The following DKK2 variants were observed in gnomAD, a reference collection of about 807,000 sequenced individuals.
DKK2 encodes the protein dickkopf Wnt signaling pathway inhibitor 2.
DKK2 carries 11 observed loss-of-function variants against 28.1 expected under a neutral mutation model. That is an observed-to-expected ratio of 0.39 (90% CI 0.25 to 0.65). The LOEUF (loss-of-function observed/expected upper bound fraction) is 0.65, where lower values mean the gene tolerates loss of function less well. DKK2 is among the 30% of genes least tolerant of loss of function. The pLI is 0.47. For missense variants in DKK2, 326 were observed against 335.5 expected, an observed-to-expected ratio of 0.97 and a Z score of 0.22; for synonymous variants, 135 against 126.5, an observed-to-expected ratio of 1.07 and a Z score of -0.45.
At chr4:106,949,428 A>G (rs1160842330) in intron 1 of DKK2, among the ~76,000 whole-genome samples, 1 of 152,094 alleles carries the variant, frequency 6.6e-6, no homozygotes, top group Non-Finnish European at 1.5e-5. Context: ...ATTCTGTTTT[A>G]CCTTGGGTAA....
chr4:106,994,813 A>C (rs1018145081), intron 1 of DKK2, among the ~76,000 whole-genome samples: 2 of 152,216 alleles, frequency 1.3e-5, no homozygotes, highest in Non-Finnish European at 2.9e-5. Context: ...GAATGCCCTC[A>C]GCACCTGACA....
chr4:106,930,337 C>T (rs1724484237), intron 1 of DKK2, among the ~76,000 whole-genome samples: 1 of 152,076 alleles, frequency 6.6e-6, no homozygotes, highest in Non-Finnish European at 1.5e-5. Context: ...AGAAAAGGCC[C>T]AATAACTTGA....
At position 107,035,442 on chromosome 4, in the gene DKK2, G is replaced by A. The variant is rs778810827; in HGVS notation, c.150C>T (p.Ala50=). ...SSLGGETPGQ[A]ANRSAGMYQG... is the part of the protein sequence containing the mutation. ...GGTACATGCCCGCAGATCGATTGGCGGCCTGACCAGGCGTCTCCCCGCCCA... is the reference window on the plus strand; with the variant it reads ...GGTACATGCCCGCAGATCGATTGGCAGCCTGACCAGGCGTCTCCCCGCCCA... The change falls in exon 1 of 4, where the codon GCC becomes GCT. Residue 50 remains alanine, a synonymous_variant. Transcript: ENST00000285311. 9.9e-6 allele frequency: 16 copies of A among 1,614,034 alleles called. No individual in the cohort carries two copies. Among genetic ancestry groups the A allele is most frequent in the Non-Finnish European group, 1.2e-5 (14 of 1,180,044 alleles).
chr4:106,939,411 G>A (rs1724655660), intron 1 of DKK2, among the ~76,000 whole-genome samples: 1 of 152,102 alleles, frequency 6.6e-6, no homozygotes. Flanking sequence ...GGGATGTGAA[G>A]GAACTCGTCA....
At chr4:107,035,280 A>T (rs907483664) in intron 1 of DKK2, 90 bp downstream of exon 1, 33 of 1,449,350 alleles carry the variant, frequency 2.3e-5, no homozygotes, top group Non-Finnish European at 3.0e-5. Context: ...CCACGCTCCG[A>T]ATGTTGCAAG....
intron 1 of DKK2, among the ~76,000 whole-genome samples, chr4:106,952,580 T>C (rs1408741138): frequency 6.6e-6 from 1 of 152,182 alleles, no homozygotes; most frequent in Non-Finnish European, 1.5e-5. Context: ...GCCAAAATTC[T>C]TTATTTATAT....
At chr4:106,960,114 T>TTTTA (rs143817678) in intron 1 of DKK2, among the ~76,000 whole-genome samples, 89 of 146,450 alleles carry the variant, frequency 6.1e-4, no homozygotes, top group African/African-American at 2.1e-3. Context: ...AGAAAAAATG[T>TTTTA]TATATATATA....
At chr4:107,001,057 GA>G (rs200413533) in intron 1 of DKK2, among the ~76,000 whole-genome samples, 10 of 136,980 alleles carry the variant, frequency 7.3e-5, no homozygotes, top group Admixed American at 2.2e-4. Context: ...CTCTTCTGAC[GA>G]AAAAAAAAAC....
intron 1 of DKK2, among the ~76,000 whole-genome samples, chr4:106,969,246 C>T (rs1722827091): frequency 6.6e-6 from 1 of 151,628 alleles, no homozygotes; most frequent in Admixed American, 6.6e-5. Flanking sequence ...CTCTGCTTGT[C>T]TCCCATCTCC....
At chr4:106,938,610 A>G (rs2110342750) in intron 1 of DKK2, among the ~76,000 whole-genome samples, 1 of 152,348 alleles carries the variant, frequency 6.6e-6, no homozygotes, top group South Asian at 2.1e-4. Flanking sequence ...AACTCTTTTT[A>G]TGAGGCCAGC....
At chr4:106,982,071 C>G (rs1402799134) in intron 1 of DKK2, among the ~76,000 whole-genome samples, 1 of 151,974 alleles carries the variant, frequency 6.6e-6, no homozygotes, top group Non-Finnish European at 1.5e-5. Context: ...TTCTAGTTCA[C>G]AGAACAAATA....
intron 1 of DKK2, among the ~76,000 whole-genome samples, chr4:107,016,857 T>C (rs942999032): frequency 2.0e-5 from 3 of 151,914 alleles, no homozygotes; most frequent in South Asian, 4.1e-4. Flanking sequence ...GATTTGGACA[T>C]ACTGAATATG....
Position 106,984,110 on chromosome 4 carries a change from T to C in DKK2, c.222+51260A>G, listed in dbSNP as rs559153621. Reference sequence around the variant, plus strand: ...CCCAGTATTTATACTCCTGGGCTTTTATCCCAGAGAAATGAAGACTCTGTT... The same window carrying C: ...CCCAGTATTTATACTCCTGGGCTTTCATCCCAGAGAAATGAAGACTCTGTT... On this transcript the variant is annotated intron_variant, in intron 1 of 3. Coordinates refer to ENST00000285311, the MANE Select transcript of DKK2 (RefSeq NM_014421.3). Among the ~76,000 whole-genome samples the C allele has an allele frequency of 8.1e-4, 124 of 152,340 alleles. 2 individuals carry two copies. In the South Asian group the frequency reaches 0.025, roughly 30 times the overall value.
chr4:106,965,353 A>G (rs1009198505), intron 1 of DKK2, among the ~76,000 whole-genome samples: 1 of 152,096 alleles, frequency 6.6e-6, no homozygotes, highest in African/African-American at 2.4e-5. Flanking sequence ...TTGTGAGTTT[A>G]GTGAGTTATT....
intron 1 of DKK2, among the ~76,000 whole-genome samples, chr4:106,955,845 C>T (rs1722582760): frequency 6.6e-6 from 1 of 152,026 alleles, no homozygotes; most frequent in East Asian, 1.9e-4. Context: ...TATATATTAC[C>T]CTTCTGTCAA....
At chr4:106,947,830 A>G (rs1287847848) in intron 1 of DKK2, among the ~76,000 whole-genome samples, 1 of 151,966 alleles carries the variant, frequency 6.6e-6, no homozygotes, top group Non-Finnish European at 1.5e-5. Flanking sequence ...GTATACCACC[A>G]TGCCTATCTG....
chr4:107,014,937 C>T (rs1215879073), intron 1 of DKK2, among the ~76,000 whole-genome samples: 1 of 151,490 alleles, frequency 6.6e-6, no homozygotes, highest in African/African-American at 2.4e-5. Context: ...TGTTAACTCC[C>T]TGGTGTTAAT....
At chr4:106,989,916 G>A (rs1417523771) in intron 1 of DKK2, among the ~76,000 whole-genome samples, 1 of 152,038 alleles carries the variant, frequency 6.6e-6, no homozygotes, top group Non-Finnish European at 1.5e-5. Context: ...AATGAAACAG[G>A]TGAAATTAAT....
intron 1 of DKK2, among the ~76,000 whole-genome samples, chr4:107,034,687 G>A (rs1000628047): frequency 6.6e-6 from 1 of 152,150 alleles, no homozygotes; most frequent in African/African-American, 2.4e-5. Flanking sequence ...GCGTGAGTGA[G>A]AAATGCGCGT....
Sources: gnomAD v4.1 joint callset for allele counts (sites outside exome capture counted in the v4.1 genomes callset) on GRCh38, gnomAD v4.1.1 for gene constraint, MANE v1.5 for transcripts, NCBI Gene and HGNC (gene_info 2026-07-23, HGNC 2026-07-21) for gene names.